The following SYT16 variants were observed in gnomAD, a reference collection of about 807,000 sequenced individuals.
SYT16 encodes the protein synaptotagmin-16.
SYT16 carries 42 observed loss-of-function variants against 61.4 expected under a neutral mutation model. That is an observed-to-expected ratio of 0.68 (90% confidence interval 0.53 to 0.89). The LOEUF (loss-of-function observed/expected upper bound fraction) is 0.89. Ranked by LOEUF, SYT16 falls within the 40% of genes least tolerant of loss-of-function variation. SYT16 has a pLI of 0.00. For synonymous variants in SYT16, 314 were observed against 302.3 expected (o/e 1.04, Z -0.40); for missense variants, 804 against 807.3 (o/e 1.00, Z 0.05).
intron 1 of SYT16, among the ~76,000 whole-genome samples, chr14:61,830,928 A>G (rs957297528): frequency 6.6e-6 from 1 of 152,200 alleles, no homozygotes; most frequent in African/African-American, 2.4e-5. Context: ...GTGCCTGGTG[A>G]GGATGCAGAG....
chr14:61,903,490 T>A (rs2048594801), intron 1 of SYT16, among the ~76,000 whole-genome samples: 1 of 152,214 alleles, frequency 6.6e-6, no homozygotes, highest in African/African-American at 2.4e-5. Flanking sequence ...CTGTGTTTTT[T>A]AAATTAGGTT....
At chr14:61,915,358 A>G (rs1379955300) in intron 1 of SYT16, among the ~76,000 whole-genome samples, 1 of 152,164 alleles carries the variant, frequency 6.6e-6, no homozygotes, top group African/African-American at 2.4e-5. Context: ...GTAATATGTA[A>G]TATAGATGTA....
chr14:61,865,003 G>C (rs2047097237), intron 1 of SYT16: 4 of 1,408,518 alleles, frequency 2.8e-6, no homozygotes. Flanking sequence ...GCAGCCTGTT[G>C]CTCTTTGATG....
At chr14:62,018,311 T>C (rs1566768863) in intron 3 of SYT16, among the ~76,000 whole-genome samples, 1 of 133,526 alleles carries the variant, frequency 7.5e-6, no homozygotes, top group Non-Finnish European at 1.6e-5. Context: ...TTTTTTTTTT[T>C]TTTTTTTTTT....
In SYT16 at chr14:61,883,290, G is replaced by A. The variant is rs993096416; in HGVS notation, c.-325+70480G>A. Among the ~76,000 whole-genome samples, 3 of 152,252 alleles carry A rather than the reference G, an allele frequency of 2.0e-5. No individual in the cohort carries two copies. The South Asian group carries it at 6.2e-4, about 32-fold the overall frequency. On this transcript the variant is annotated intron_variant, in intron 1 of 7. Transcript: ENST00000683842. ...GTTTTTCTTTTCTGTCACATCATTG[G>A]ACTGCAAATTTTTCAAATGTTTTTG... is the stretch of plus-strand genomic sequence containing the variant.
intron 3 of SYT16, among the ~76,000 whole-genome samples, chr14:62,037,197 T>C (rs967985916): frequency 6.6e-6 from 1 of 152,172 alleles, no homozygotes; most frequent in African/African-American, 2.4e-5. Context: ...ATGAGCTTTT[T>C]TTTTTACCCC....
chr14:61,940,904 A>C (rs1490811437), intron 1 of SYT16, among the ~76,000 whole-genome samples: 2 of 152,196 alleles, frequency 1.3e-5, no homozygotes, highest in Non-Finnish European at 2.9e-5. Flanking sequence ...ATCTGCTTGA[A>C]TAATCACAGA....
At chr14:61,899,696 C>T (rs1159199371) in intron 1 of SYT16, among the ~76,000 whole-genome samples, 5 of 152,180 alleles carry the variant, frequency 3.3e-5, no homozygotes, top group African/African-American at 9.7e-5. Flanking sequence ...TCTTAGGCAG[C>T]GCCGGAAGGC....
chr14:61,926,092 C>T (rs1439996275), intron 1 of SYT16, among the ~76,000 whole-genome samples: 1 of 152,142 alleles, frequency 6.6e-6, no homozygotes, highest in Non-Finnish European at 1.5e-5. Flanking sequence ...AGTGCTATGA[C>T]TTAGCAGCAT....
chr14:61,912,497 G>A (rs188642330), intron 1 of SYT16, among the ~76,000 whole-genome samples: 3 of 152,182 alleles, frequency 2.0e-5, no homozygotes, highest in Non-Finnish European at 4.4e-5. Flanking sequence ...TATGTTTGCT[G>A]TCTAGCAAAG....
chr14:61,938,610 G>C (rs943320439), intron 1 of SYT16, among the ~76,000 whole-genome samples: 2 of 152,176 alleles, frequency 1.3e-5, no homozygotes, highest in African/African-American at 4.8e-5. Context: ...TTGACCTTAA[G>C]AGACAAGCAA....
At chr14:61,823,217 T>C (rs991996042) in intron 1 of SYT16, among the ~76,000 whole-genome samples, 1 of 152,092 alleles carries the variant, frequency 6.6e-6, no homozygotes. Flanking sequence ...GGTCTCGAAC[T>C]CCTGACTTCG....
At chr14:62,026,840 T>G (rs2054295895) in intron 3 of SYT16, among the ~76,000 whole-genome samples, 1 of 152,188 alleles carries the variant, frequency 6.6e-6, no homozygotes. Flanking sequence ...CTTTGACACT[T>G]TAAAATTAGG....
chr14:61,941,546 A>G (rs1258225452), intron 1 of SYT16, among the ~76,000 whole-genome samples: 2 of 152,144 alleles, frequency 1.3e-5, no homozygotes, highest in African/African-American at 4.8e-5. Flanking sequence ...TTTCCAGCAC[A>G]ATCCTGTCCT....
intron 1 of SYT16, among the ~76,000 whole-genome samples, chr14:61,963,852 G>T (rs2051205260): frequency 6.6e-6 from 1 of 152,106 alleles, no homozygotes; most frequent in South Asian, 2.1e-4. Flanking sequence ...AATGCTCATT[G>T]ACCATTCAAA....
At chr14:61,884,535 G>T (rs1373482784) in intron 1 of SYT16, among the ~76,000 whole-genome samples, 1 of 152,222 alleles carries the variant, frequency 6.6e-6, no homozygotes, top group African/African-American at 2.4e-5. Flanking sequence ...CTTCTCCACT[G>T]ATTGGAAGTT....
At chr14:61,898,795 C>T (rs1185401436) in intron 1 of SYT16, among the ~76,000 whole-genome samples, 2 of 152,172 alleles carry the variant, frequency 1.3e-5, no homozygotes, top group Non-Finnish European at 2.9e-5. Context: ...TTTGAGAAGC[C>T]TGTTGTCTGC....
intron 3 of SYT16, among the ~76,000 whole-genome samples, chr14:62,038,904 C>T (rs1595226384): frequency 1.3e-5 from 2 of 152,170 alleles, no homozygotes. Flanking sequence ...GCCTAATAAA[C>T]GTTGCGTAGA....
At position 61,833,374 on chromosome 14, in the gene SYT16, C is replaced by A. The variant is rs530442822; in HGVS notation, c.-325+20564C>A. Among the ~76,000 whole-genome samples the A allele has an allele frequency of 7.3e-5, 11 of 150,682 alleles. 1 individual carries two copies. The East Asian group carries it at 2.2e-3, about 30-fold the overall frequency. ...ATGGCTCGATCTCAGCTCACTGCAA[C>A]CTCTGCCTCCCGGGTTCAAGCGATT... On this transcript the variant is annotated intron_variant, in intron 1 of 7. Coordinates refer to ENST00000683842, the MANE Select transcript of SYT16 (RefSeq NM_001367656.1).
Sources: gnomAD v4.1 joint callset for allele counts (sites outside exome capture counted in the v4.1 genomes callset) on GRCh38, gnomAD v4.1.1 for gene constraint, MANE v1.5 for transcripts, NCBI Gene and HGNC (gene_info 2026-07-23, HGNC 2026-07-21) for gene names.